The following AGPAT4 variants were observed in gnomAD, a reference collection of about 807,000 sequenced individuals.
AGPAT4 encodes the protein 1-acylglycerol-3-phosphate O-acyltransferase 4.
In AGPAT4, 15 loss-of-function variants were observed where a neutral mutation model predicts 48.0. The observed-to-expected ratio is 0.31, with a 90% confidence interval of 0.21 to 0.48. The LOEUF (loss-of-function observed/expected upper bound fraction) is 0.48, where lower values mean the gene tolerates loss of function less well. Ranked by LOEUF, AGPAT4 falls within the 20% of genes least tolerant of loss-of-function variation. The pLI is 0.99. For missense variants in AGPAT4, 314 were observed against 482.5 expected, an observed-to-expected ratio of 0.65 and a Z score of 3.27; for synonymous variants, 178 against 198.7, an observed-to-expected ratio of 0.90 and a Z score of 0.88.
Position 161,232,243 on chromosome 6 carries a change from A to C in AGPAT4, c.-30T>G, listed in dbSNP as rs1282369756. 1 of 1,593,910 alleles carries C rather than the reference A, an allele frequency of 6.3e-7. No homozygotes were observed. Among genetic ancestry groups the C allele is most frequent in the Non-Finnish European group, 8.6e-7 (1 of 1,167,132 alleles). ...CGTGGACGCTCTTATTCAGAAATAA[A>C]TAACTACCCACAGTCAAAGATTTCC... On this transcript the variant is annotated 5_prime_UTR_variant, in exon 2 of 9. Transcript: ENST00000320285. The surrounding 1 kb of genome is among the most constrained non-coding windows in gnomAD (Gnocchi z 6.8).
At position 161,185,305 on chromosome 6, in the gene AGPAT4, T is replaced by C. The variant is rs865983716; in HGVS notation, c.179-18888A>G. On this transcript the variant is annotated intron_variant, in intron 2 of 8. Coordinates refer to ENST00000320285, the MANE Select transcript of AGPAT4 (RefSeq NM_020133.3). Reference sequence around the variant, plus strand: ...TGTCTTTTTTTTTTTTTTTTTTTTTTCCAAAGACAGGGTCTCACTCCGTCA... The same window carrying C: ...TGTCTTTTTTTTTTTTTTTTTTTTTCCCAAAGACAGGGTCTCACTCCGTCA... Among the ~76,000 whole-genome samples the C allele has an allele frequency of 2.0e-3, 275 of 140,734 alleles. 1 individual carries two copies. The Middle Eastern group carries it at 0.026, about 13-fold the overall frequency. The allele number at this position is 140,734 out of a possible 152,430, so 92.3% of individuals were successfully genotyped here. A position where few individuals can be genotyped will look rare whatever the true frequency, so the allele number is the denominator to read the frequency against.
chr6:161,161,610 G>A lies in AGPAT4; in HGVS notation c.348+4638C>T, dbSNP rs1048211266. On this transcript the variant is annotated intron_variant, in intron 3 of 8. Transcript: ENST00000320285. The surrounding 1 kb of genome is among the most constrained non-coding windows in gnomAD (Gnocchi z 4.6). The stretch of plus-strand genomic sequence containing the variant: ...AGAGCTGACAAAACCATGGCGGTGG[G>A]CATATCTGCTGAAAATACCCCTCCA... 5.1e-6 allele frequency: 2 copies of A among 392,986 alleles called. No homozygotes were observed. The highest frequency in any genetic ancestry group is 2.1e-5 in the African/African-American group (1 of 48,294). 24.3% of individuals were successfully genotyped at this position (392,986 alleles called of 1,614,324 possible).
Position 161,144,063 on chromosome 6 carries a change from C to T in AGPAT4, c.843+2461G>A, listed in dbSNP as rs1321898030. 1.2e-5 allele frequency: 6 copies of T among 499,218 alleles called. No homozygotes were observed. Among genetic ancestry groups the T allele is most frequent in the African/African-American group, 5.9e-5 (3 of 51,154 alleles). 30.9% of individuals were successfully genotyped at this position (499,218 alleles called of 1,614,324 possible). A position where few individuals can be genotyped will look rare whatever the true frequency, so the allele number is the denominator to read the frequency against. ...GGGTCGGGCACCCAGATTTGGGGCA[C>T]GTAAAGCTTTAGATCTAGGCTCCTA... On this transcript the variant is annotated intron_variant, in intron 7 of 8. Coordinates refer to ENST00000320285, the MANE Select transcript of AGPAT4 (RefSeq NM_020133.3). This position sits in a 1 kb window ranked among gnomAD's most constrained non-coding sequence, Gnocchi z 6.6.
rs1032934337 is a variant in AGPAT4 at position 161,161,910 on chromosome 6, TCTC to T, written c.348+4335_348+4337del. 1.1e-5 allele frequency: 2 copies of T among 187,656 alleles called. No homozygotes were observed. Among genetic ancestry groups the T allele is most frequent in the East Asian group, 1.2e-4 (1 of 8,238 alleles). The allele number at this position is 187,656 out of a possible 1,614,324, so 11.6% of individuals were successfully genotyped here. ...CTCTGCCTAGGAGGGATAATGCCAC[TCTC>T]CTCCTCTCACCTTTCTCTGTGCAAA... On this transcript the variant is annotated intron_variant, in intron 3 of 8. Coordinates refer to ENST00000320285, the MANE Select transcript of AGPAT4 (RefSeq NM_020133.3). The surrounding 1 kb of genome is among the most constrained non-coding windows in gnomAD (Gnocchi z 4.6).
Position 161,262,731 on chromosome 6 carries a change from C to T in AGPAT4, c.-90+11207G>A, listed in dbSNP as rs1156852489. ...AGTGAGACCCTCATAGTGAGGGGCA[C>T]CCTTTGGGTAGCTTCTTGGGACTTG... is the stretch of plus-strand genomic sequence containing the variant. On this transcript the variant is annotated intron_variant, in intron 1 of 8. Transcript: ENST00000320285. The surrounding 1 kb of genome is among the most constrained non-coding windows in gnomAD (Gnocchi z 4.9). Among the ~76,000 whole-genome samples the T allele has an allele frequency of 6.6e-6, 1 of 152,122 alleles. No individual in the cohort carries two copies. Among genetic ancestry groups the T allele is most frequent in the African/African-American group, 2.4e-5 (1 of 41,414 alleles).
At position 161,219,875 on chromosome 6, in the gene AGPAT4, G is replaced by A. The variant is rs80323920; in HGVS notation, c.178+12161C>T. Among the ~76,000 whole-genome samples the A allele has an allele frequency of 0.16, 11,299 of 68,510 alleles. 816 individuals are homozygous for A. Among genetic ancestry groups the A allele is most frequent in the Middle Eastern group, 0.24 (28 of 118 alleles). 44.9% of individuals were successfully genotyped at this position (68,510 alleles called of 152,430 possible). A position where few individuals can be genotyped will look rare whatever the true frequency, so the allele number is the denominator to read the frequency against. On this transcript the variant is annotated intron_variant, in intron 2 of 8. Transcript: ENST00000320285. The surrounding 1 kb of genome is among the most constrained non-coding windows in gnomAD (Gnocchi z 4.9). ...GATAGATAGATAGATAGATAGATAG[G>A]CAGGCAGGCAGGCAGGCAGGCAGGC...
intron 2 of AGPAT4, among the ~76,000 whole-genome samples, chr6:161,167,047 T>A (rs1172815474): frequency 2.0e-5 from 3 of 152,172 alleles, no homozygotes; most frequent in Admixed American, 2.0e-4. Flanking sequence ...TGCAGTTTAT[T>A]CTTCAGTGAT....
At chr6:161,163,983 C>T (rs1286983241) in intron 3 of AGPAT4, among the ~76,000 whole-genome samples, 1 of 152,214 alleles carries the variant, frequency 6.6e-6, no homozygotes, top group Non-Finnish European at 1.5e-5. Flanking sequence ...TGGGTGTTCA[C>T]AGTAATGAGT....
chr6:161,241,071 G>A (rs1197091754), intron 1 of AGPAT4, among the ~76,000 whole-genome samples: 1 of 151,894 alleles, frequency 6.6e-6, no homozygotes, highest in Non-Finnish European at 1.5e-5. Flanking sequence ...GAGACAGCCT[G>A]GCCAACATGG....
At position 161,262,178 on chromosome 6, in the gene AGPAT4, C is replaced by T. The variant is rs928543197; in HGVS notation, c.-90+11760G>A. On this transcript the variant is annotated intron_variant, in intron 1 of 8. Transcript: ENST00000320285. The surrounding 1 kb of genome is among the most constrained non-coding windows in gnomAD (Gnocchi z 4.9). ...CCTCCTTCTATCCTGAGGTTCCAGT[C>T]CTCTCAGCCCATAATCATTTATAGA... Among the ~76,000 whole-genome samples the T allele has an allele frequency of 6.6e-6, 1 of 152,016 alleles. No individual in the cohort carries two copies. The highest frequency in any genetic ancestry group is 2.4e-5 in the African/African-American group (1 of 41,372).
At chr6:161,181,846 G>A (rs573902994) in intron 2 of AGPAT4, among the ~76,000 whole-genome samples, 27 of 152,232 alleles carry the variant, frequency 1.8e-4, no homozygotes, top group African/African-American at 5.1e-4. Context: ...ATTATATTAG[G>A]GGGTGATTTT....
intron 5 of AGPAT4, among the ~76,000 whole-genome samples, chr6:161,150,820 T>C (rs1779568927): frequency 6.6e-6 from 1 of 152,214 alleles, no homozygotes; most frequent in South Asian, 2.1e-4. Flanking sequence ...GAACAGCTGT[T>C]CAGGCTGTGT....
rs1002643940 is a variant in AGPAT4 at position 161,262,438 on chromosome 6, A to G, written c.-90+11500T>C. ...CTGTGTGTGAGCTCCCCAAACCCCA[A>G]ACTCTTCCACAGCTGGCTCTATACT... On this transcript the variant is annotated intron_variant, in intron 1 of 8. Coordinates refer to ENST00000320285, the MANE Select transcript of AGPAT4 (RefSeq NM_020133.3). The surrounding 1 kb of genome is among the most constrained non-coding windows in gnomAD (Gnocchi z 4.9). Among the ~76,000 whole-genome samples the G allele has an allele frequency of 6.6e-6, 1 of 151,454 alleles. No homozygotes were observed. Among genetic ancestry groups the G allele is most frequent in the Non-Finnish European group, 1.5e-5 (1 of 67,946 alleles).
At chr6:161,269,427 T>C (rs530020026) in intron 1 of AGPAT4, among the ~76,000 whole-genome samples, 1 of 152,364 alleles carries the variant, frequency 6.6e-6, no homozygotes, top group African/African-American at 2.4e-5. Flanking sequence ...ATTTATAAAA[T>C]TGTTCAATGA....
chr6:161,210,160 A>G (rs1781485267), intron 2 of AGPAT4, among the ~76,000 whole-genome samples: 1 of 152,206 alleles, frequency 6.6e-6, no homozygotes, highest in African/African-American at 2.4e-5. Flanking sequence ...GTCCCTATCT[A>G]AATAAACCTG....
intron 1 of AGPAT4, among the ~76,000 whole-genome samples, chr6:161,247,807 A>AC (rs1175247955): frequency 6.6e-6 from 1 of 151,904 alleles, no homozygotes; most frequent in African/African-American, 2.4e-5. Context: ...ACATGGTGAA[A>AC]CCCCATCTCT....
chr6:161,166,520 T>C lies in AGPAT4; in HGVS notation c.179-103A>G, dbSNP rs1780103442. The C allele has an allele frequency of 7.3e-7, 1 of 1,374,146 alleles. No homozygotes were observed. The highest frequency in any genetic ancestry group is 9.8e-7 in the Non-Finnish European group (1 of 1,015,292). The allele number at this position is 1,374,146 out of a possible 1,614,324, so 85.1% of individuals were successfully genotyped here. A position where few individuals can be genotyped will look rare whatever the true frequency, so the allele number is the denominator to read the frequency against. ...CCTCCCAGCTAGGGGAGAAAGCAAC[T>C]TCTACGGGCAAAGTTCTGGATCGTT... On this transcript the variant is annotated intron_variant, in intron 2 of 8. Coordinates refer to ENST00000320285, the MANE Select transcript of AGPAT4 (RefSeq NM_020133.3). The surrounding 1 kb of genome is among the most constrained non-coding windows in gnomAD (Gnocchi z 6.7).
Position 161,216,807 on chromosome 6 carries a change from T to C in AGPAT4, c.178+15229A>G, listed in dbSNP as rs1358170825. Among the ~76,000 whole-genome samples the C allele has an allele frequency of 2.6e-5, 4 of 152,082 alleles. No homozygotes were observed. The highest frequency in any genetic ancestry group is 2.6e-4 in the Admixed American group (4 of 15,262). ...CTCGTGAGACTTACTATCACGAGAC[T>C]AGCACGAGAAAAACTGGCCCTCATG... On this transcript the variant is annotated intron_variant, in intron 2 of 8. Coordinates refer to ENST00000320285, the MANE Select transcript of AGPAT4 (RefSeq NM_020133.3). The surrounding 1 kb of genome is among the most constrained non-coding windows in gnomAD (Gnocchi z 4.8).
In AGPAT4 at chr6:161,165,652, G is replaced by A. The variant is rs188061148; in HGVS notation, c.348+596C>T. The A allele has an allele frequency of 5.0e-5, 65 of 1,305,066 alleles. No homozygotes were observed. In the Admixed American group the frequency reaches 1.2e-3, roughly 24 times the overall value. 80.8% of individuals were successfully genotyped at this position (1,305,066 alleles called of 1,614,324 possible). A position where few individuals can be genotyped will look rare whatever the true frequency, so the allele number is the denominator to read the frequency against. On this transcript the variant is annotated intron_variant, in intron 3 of 8. Transcript: ENST00000320285. This position sits in a 1 kb window ranked among gnomAD's most constrained non-coding sequence, Gnocchi z 5.5. Reference sequence around the variant, plus strand: ...CTACACGCTGCAGTGTGTTGAAGACGACAAAAGTCAACTGAAGAGACCCAG... The same window carrying A: ...CTACACGCTGCAGTGTGTTGAAGACAACAAAAGTCAACTGAAGAGACCCAG...
Sources: gnomAD v4.1 joint callset for allele counts (sites outside exome capture counted in the v4.1 genomes callset) on GRCh38, gnomAD v4.1.1 for gene constraint, Gnocchi (gnomAD v3.1) non-coding constraint, MANE v1.5 for transcripts, NCBI Gene and HGNC (gene_info 2026-07-23, HGNC 2026-07-21) for gene names.